The following LARGE1 variants were observed in gnomAD, a reference collection of about 807,000 sequenced individuals.
LARGE1 encodes the protein LARGE xylosyl- and glucuronyltransferase 1, also known as xylosyl- and glucuronyltransferase LARGE1.
Under a neutral mutation model 87.6 loss-of-function variants are expected in LARGE1, and 43 were observed. The observed-to-expected ratio is 0.49, with a 90% confidence interval of 0.38 to 0.63. The LOEUF is 0.63. LARGE1 is among the 30% of genes least tolerant of loss of function. LARGE1 has a pLI of 0.00. For synonymous variants in LARGE1, 434 were observed against 394.6 expected (o/e 1.10, Z -1.18); for missense variants, 802 against 1,000.2 (o/e 0.80, Z 2.67).
intron 2 of LARGE1, among the ~76,000 whole-genome samples, chr22:33,667,351 T>C (rs1420630603): frequency 1.3e-5 from 2 of 152,228 alleles, no homozygotes; most frequent in East Asian, 3.9e-4. Context: ...CTTATCTCTA[T>C]CATGACGTTT....
At chr22:33,373,972 CAAAAAAA>C (rs35830988) in intron 9 of LARGE1, among the ~76,000 whole-genome samples, 5 of 59,536 alleles carry the variant, frequency 8.4e-5, no homozygotes, top group Non-Finnish European at 1.2e-4. Flanking sequence ...GACTCCGTCT[CAAAAAAA>C]AAAAAAAAAA....
intron 6 of LARGE1, among the ~76,000 whole-genome samples, chr22:33,481,035 C>T (rs1393625762): frequency 1.3e-5 from 2 of 151,782 alleles, no homozygotes; most frequent in Non-Finnish European, 2.9e-5. Context: ...CTAAAAGCTC[C>T]CTATTCTCAT....
At chr22:33,773,357 G>A (rs2085132157) in intron 1 of LARGE1, among the ~76,000 whole-genome samples, 1 of 152,322 alleles carries the variant, frequency 6.6e-6, no homozygotes, top group Non-Finnish European at 1.5e-5. Flanking sequence ...TATGTTGAAA[G>A]GACCACAAGG....
the LARGE1 span, among the ~76,000 whole-genome samples, chr22:33,125,500 G>A: frequency 2.7e-4 from 40 of 150,048 alleles, no homozygotes; most frequent in Admixed American, 1.3e-3. Context: ...AGACTGGAGT[G>A]CAATGGCATG....
chr22:33,088,615 G>A, the LARGE1 span, among the ~76,000 whole-genome samples: 3 of 152,134 alleles, frequency 2.0e-5, no homozygotes, highest in Non-Finnish European at 2.9e-5. Flanking sequence ...GGCTCAGTCA[G>A]TACCAGAGAG....
intron 11 of LARGE1, among the ~76,000 whole-genome samples, chr22:33,263,427 C>A (rs1568995056): frequency 6.6e-6 from 1 of 152,244 alleles, no homozygotes; most frequent in Non-Finnish European, 1.5e-5. Flanking sequence ...AAGAGGTGAG[C>A]TGCTATGTGG....
At chr22:33,646,876 C>T (rs1221842164) in intron 3 of LARGE1, among the ~76,000 whole-genome samples, 1 of 152,174 alleles carries the variant, frequency 6.6e-6, no homozygotes, top group Non-Finnish European at 1.5e-5. Context: ...TTCAGGCACC[C>T]TCCACCACGC....
rs190905656 is a variant in LARGE1 at position 33,763,953 on chromosome 22, G to A, written c.-82-2395C>T. ...CAACCTCCGCCTCCCATGTTCAAGG[G>A]ATTCTCCTGCCTCAGCCTCCCGAGT... On this transcript the variant is annotated intron_variant, in intron 1 of 14. Transcript: ENST00000397394. Among the ~76,000 whole-genome samples, 71 of 143,592 alleles carry A rather than the reference G, an allele frequency of 4.9e-4. No homozygotes were observed. The East Asian group carries it at 0.014, about 29-fold the overall frequency. The allele number at this position is 143,592 out of a possible 152,430, so 94.2% of individuals were successfully genotyped here.
At position 33,366,245 on chromosome 22, in the gene LARGE1, TC is replaced by T. The variant is rs570894264; in HGVS notation, c.1131+15673del. ...TTCTTCAATGATCAGGTATGTTGCC[TC>T]TTCATATACCAAAATGCTTTCATAA... On this transcript the variant is annotated intron_variant, in intron 9 of 14. Transcript: ENST00000397394. Among the ~76,000 whole-genome samples the T allele has an allele frequency of 5.9e-3, 894 of 152,366 alleles. 13 individuals carry two copies. The highest frequency in any genetic ancestry group is 0.02 in the African/African-American group (830 of 41,580).
At chr22:33,323,293 G>C (rs973391769) in intron 10 of LARGE1, among the ~76,000 whole-genome samples, 2 of 152,246 alleles carry the variant, frequency 1.3e-5, no homozygotes, top group African/African-American at 4.8e-5. Flanking sequence ...TTTGCACCTT[G>C]ATCCACCTAA....
At chr22:33,193,709 T>C (rs924015674) in intron 11 of LARGE1, among the ~76,000 whole-genome samples, 3 of 151,928 alleles carry the variant, frequency 2.0e-5, no homozygotes, top group Non-Finnish European at 4.4e-5. Flanking sequence ...TCCCAGCTAC[T>C]CAGGAGGCTG....
chr22:33,202,718 C>A (rs1454358338), intron 11 of LARGE1, among the ~76,000 whole-genome samples: 4 of 152,174 alleles, frequency 2.6e-5, no homozygotes, highest in Non-Finnish European at 5.9e-5. Context: ...GAGATGGCAA[C>A]TGATACCTAG....
At chr22:33,140,218 C>G in the LARGE1 span, among the ~76,000 whole-genome samples, 6 of 152,280 alleles carry the variant, frequency 3.9e-5, no homozygotes, top group South Asian at 8.3e-4. Flanking sequence ...GCAGCCTCCC[C>G]CTTCTGGGAA....
chr22:33,785,592 G>A (rs184602041), intron 1 of LARGE1, among the ~76,000 whole-genome samples: 17 of 152,096 alleles, frequency 1.1e-4, no homozygotes, highest in African/African-American at 3.9e-4. Context: ...GTTTAAAAAA[G>A]AAACAAACAA....
At chr22:33,199,674 A>G (rs78725230) in intron 11 of LARGE1, among the ~76,000 whole-genome samples, 4,592 of 152,174 alleles carry the variant, frequency 0.03, 95 homozygotes, top group Admixed American at 0.056. Flanking sequence ...TTGTAAGTAT[A>G]TGGCTTTACT....
chr22:33,829,102 A>G (rs1279686897), intron 1 of LARGE1, among the ~76,000 whole-genome samples: 1 of 135,196 alleles, frequency 7.4e-6, no homozygotes, highest in Non-Finnish European at 1.5e-5. Flanking sequence ...AACTCCTCCC[A>G]CGTTCAACCG....
chr22:33,336,877 C>T (rs990336431), intron 10 of LARGE1, among the ~76,000 whole-genome samples: 23 of 151,838 alleles, frequency 1.5e-4, no homozygotes, highest in African/African-American at 4.8e-4. Context: ...CTGGCTAACA[C>T]GGTGAAACCC....
chr22:33,886,760 T>G (rs1176398882), intron 1 of LARGE1, among the ~76,000 whole-genome samples: 2 of 149,402 alleles, frequency 1.3e-5, no homozygotes, highest in Non-Finnish European at 3.0e-5. Context: ...GACATTAAAA[T>G]TAAAAAATTA....
At chr22:33,255,126 C>T (rs747218907) in intron 11 of LARGE1, among the ~76,000 whole-genome samples, 78 of 152,114 alleles carry the variant, frequency 5.1e-4, no homozygotes, top group Admixed American at 7.9e-4. Flanking sequence ...TCCGCAGAGA[C>T]GGGGTTTCAC....
Sources: gnomAD v4.1 joint callset for allele counts (sites outside exome capture counted in the v4.1 genomes callset) on GRCh38, gnomAD v4.1.1 for gene constraint, MANE v1.5 for transcripts, NCBI Gene and HGNC (gene_info 2026-07-23, HGNC 2026-07-21) for gene names.